Variants in EIF4G3 observed in about 807,000 individuals in gnomAD.
The protein encoded by EIF4G3 is eukaryotic translation initiation factor 4 gamma 3.
Under a neutral mutation model 186.4 loss-of-function variants are expected in EIF4G3, and 34 were observed. The observed-to-expected ratio is 0.18, with a 90% CI of 0.14 to 0.24. The LOEUF is 0.24. EIF4G3 is among the 10% of genes least tolerant of loss of function. The pLI is 1.00. For synonymous variants in EIF4G3, 673 were observed against 679.5 expected, an observed-to-expected ratio of 0.99 and a Z score of 0.15; for missense variants, 1,536 against 1,948.5, an observed-to-expected ratio of 0.79 and a Z score of 3.99.
chr1:21,020,526 GA>G (rs2090432280), intron 4 of EIF4G3, among the ~76,000 whole-genome samples: 1 of 151,920 alleles, frequency 6.6e-6, no homozygotes, highest in South Asian at 2.1e-4. Flanking sequence ...AAATAAAGAA[GA>G]ATACCATTTA....
chr1:20,961,064 G>A (rs1022643662), intron 12 of EIF4G3, among the ~76,000 whole-genome samples: 7 of 152,128 alleles, frequency 4.6e-5, no homozygotes, highest in African/African-American at 1.4e-4. Context: ...GTAGGTCTTT[G>A]ATGGTCTGTG....
At chr1:21,115,877 C>G (rs2096811288) in intron 2 of EIF4G3, among the ~76,000 whole-genome samples, 1 of 152,030 alleles carries the variant, frequency 6.6e-6, no homozygotes, top group Non-Finnish European at 1.5e-5. Flanking sequence ...GACCACCATG[C>G]CCAGCTAATT....
chr1:21,160,545 A>G (rs1378196603), intron 2 of EIF4G3, among the ~76,000 whole-genome samples: 4 of 152,360 alleles, frequency 2.6e-5, no homozygotes, highest in Admixed American at 2.6e-4. Flanking sequence ...CAAGATGCCA[A>G]CTTAACCAAG....
At chr1:20,815,672 C>T (rs1418902294) in intron 34 of EIF4G3, among the ~76,000 whole-genome samples, 165 of 143,208 alleles carry the variant, frequency 1.2e-3, no homozygotes, top group African/African-American at 3.8e-3. Flanking sequence ...GCCCCCCGCC[C>T]GGCCAGCCGC....
intron 2 of EIF4G3, among the ~76,000 whole-genome samples, chr1:21,127,692 A>G (rs962448267): frequency 6.6e-6 from 1 of 152,304 alleles, no homozygotes; most frequent in Non-Finnish European, 1.5e-5. Flanking sequence ...AGCATCTTAC[A>G]TTGTACTACA....
chr1:20,854,038 T>G (rs2074132874), intron 26 of EIF4G3, among the ~76,000 whole-genome samples: 1 of 152,188 alleles, frequency 6.6e-6, no homozygotes, highest in African/African-American at 2.4e-5. Flanking sequence ...TGGGTTTTAC[T>G]GAATAATGAC....
intron 18 of EIF4G3, among the ~76,000 whole-genome samples, chr1:20,888,212 T>C (rs1021033745): frequency 4.6e-5 from 7 of 152,098 alleles, no homozygotes; most frequent in African/African-American, 4.8e-5. Context: ...AAGACAAATA[T>C]GTGTGAGTTT....
intron 2 of EIF4G3, among the ~76,000 whole-genome samples, chr1:21,173,950 A>G (rs2098045833): frequency 6.6e-6 from 1 of 152,210 alleles, no homozygotes; most frequent in African/African-American, 2.4e-5. Context: ...TTACCAGTTG[A>G]TAACACTTCA....
At chr1:20,940,615 A>C (rs960663587) in intron 14 of EIF4G3, among the ~76,000 whole-genome samples, 5 of 152,350 alleles carry the variant, frequency 3.3e-5, no homozygotes, top group Middle Eastern at 3.4e-3. Flanking sequence ...ATTTATCAAA[A>C]AGCCCAATTT....
intron 22 of EIF4G3, among the ~76,000 whole-genome samples, chr1:20,863,378 T>TAAAA (rs3051243): frequency 2.9e-5 from 3 of 102,476 alleles, no homozygotes; most frequent in African/African-American, 8.2e-5. Flanking sequence ...CTACAAAAAG[T>TAAAA]AAAAAAAAAA....
intron 2 of EIF4G3, among the ~76,000 whole-genome samples, chr1:21,166,595 G>A (rs12096895): frequency 0.011 from 1,617 of 152,062 alleles, 29 homozygotes; most frequent in African/African-American, 0.036. Context: ...ATGTGGTGGC[G>A]TGCACCTGTA....
At position 20,806,722 on chromosome 1, in the gene EIF4G3, T is replaced by C. The variant is rs74522845; in HGVS notation, c.*597A>G. 2,428 of 152,406 alleles carry C rather than the reference T, an allele frequency of 0.016. 64 individuals are homozygous for C. The highest frequency in any genetic ancestry group is 0.088 in the East Asian group (454 of 5,160). The allele number at this position is 152,406 out of a possible 1,614,324, so 9.4% of individuals were successfully genotyped here. The stretch of plus-strand genomic sequence containing the variant: ...TTTCCTTCTGTTTCAATGTTATGTA[T>C]GTTTTGATTACTATTGTGATTTTTT... On this transcript the variant is annotated 3_prime_UTR_variant, in exon 37 of 37. Coordinates refer to ENST00000602326, the MANE Select transcript of EIF4G3 (RefSeq NM_001391906.1).
At chr1:20,913,025 G>A (rs1348982976) in intron 14 of EIF4G3, among the ~76,000 whole-genome samples, 1 of 152,166 alleles carries the variant, frequency 6.6e-6, no homozygotes, top group Non-Finnish European at 1.5e-5. Flanking sequence ...AGAATGATGG[G>A]CCACTGAGAG....
chr1:20,820,605 G>C (rs1323259093), intron 33 of EIF4G3, among the ~76,000 whole-genome samples: 1 of 152,140 alleles, frequency 6.6e-6, no homozygotes, highest in African/African-American at 2.4e-5. Flanking sequence ...AGTGGAGTAG[G>C]GGCTCATGGT....
chr1:20,895,334 A>G (rs369098429), intron 17 of EIF4G3, 34 bp downstream of exon 17: 2 of 1,596,594 alleles, frequency 1.3e-6, no homozygotes, highest in Admixed American at 1.7e-5. Context: ...GTTCCCACCA[A>G]AAAGAACTAG....
chr1:20,856,600 G>C (rs1459819960), intron 25 of EIF4G3, among the ~76,000 whole-genome samples: 1 of 152,146 alleles, frequency 6.6e-6, no homozygotes, highest in East Asian at 1.9e-4. Flanking sequence ...CTCAAAAAGA[G>C]AGGAAAGCAG....
intron 2 of EIF4G3, among the ~76,000 whole-genome samples, chr1:21,107,759 G>A (rs2096642603): frequency 6.6e-6 from 1 of 152,074 alleles, no homozygotes; most frequent in Non-Finnish European, 1.5e-5. Context: ...GCTCACTGCA[G>A]CCTCAACTGC....
intron 7 of EIF4G3, among the ~76,000 whole-genome samples, chr1:20,989,895 G>A (rs1337623428): frequency 6.6e-6 from 1 of 152,188 alleles, no homozygotes; most frequent in African/African-American, 2.4e-5. Context: ...AGAGTCCACT[G>A]GCCGGGTGCA....
At chr1:20,963,274 T>C (rs1175089252) in intron 12 of EIF4G3, among the ~76,000 whole-genome samples, 1 of 152,198 alleles carries the variant, frequency 6.6e-6, no homozygotes, top group Non-Finnish European at 1.5e-5. Context: ...CAATATGTCA[T>C]CTGGAAGTTT....
Sources: allele counts gnomAD v4.1 joint callset (sites outside exome capture counted in the v4.1 genomes callset), GRCh38; gene constraint gnomAD v4.1.1; transcripts MANE v1.5; gene names NCBI Gene and HGNC (gene_info 2026-07-23, HGNC 2026-07-21).